Variants in DLC1 observed in about 807,000 individuals in gnomAD.
DLC1 encodes the protein DLC1 Rho GTPase activating protein, also known as rho GTPase-activating protein 7.
Under a neutral mutation model 140.3 loss-of-function variants are expected in DLC1, and 54 were observed. The ratio of observed to expected loss-of-function variants is 0.38; its 90% CI spans 0.31 to 0.48. The LOEUF (loss-of-function observed/expected upper bound fraction) is 0.48. DLC1 is among the 20% of genes least tolerant of loss of function. The probability of loss-of-function intolerance (pLI) is 0.96; values close to 1 mark genes in which losing one functional copy is unlikely to be tolerated. For synonymous variants in DLC1, 986 were observed against 728.1 expected (o/e 1.35, Z -5.70); for missense variants, 2,536 against 1,907.0 (o/e 1.33, Z -6.14).
chr8:13,197,156 A>T (rs1022603856), intron 5 of DLC1, among the ~76,000 whole-genome samples: 1 of 152,166 alleles, frequency 6.6e-6, no homozygotes, highest in Non-Finnish European at 1.5e-5. Context: ...TAAAGGTAGT[A>T]TTAATAACAT....
At chr8:13,441,190 G>T (rs573510666) in intron 2 of DLC1, among the ~76,000 whole-genome samples, 69 of 152,198 alleles carry the variant, frequency 4.5e-4, no homozygotes, top group African/African-American at 1.5e-3. Flanking sequence ...AATAAATTAG[G>T]TATTGATGGG....
chr8:13,404,296 G>A (rs1443318342), intron 2 of DLC1, among the ~76,000 whole-genome samples: 1 of 152,036 alleles, frequency 6.6e-6, no homozygotes, highest in African/African-American at 2.4e-5. Context: ...TTTCCGTGGT[G>A]TAAATACTCC....
In DLC1 at chr8:13,100,676, T is replaced by A. The variant is rs773993191; in HGVS notation, c.1661A>T (p.Asp554Val). 5.6e-6 allele frequency: 9 copies of A among 1,613,798 alleles called. No homozygotes were observed. The East Asian group carries it at 2.0e-4, about 36-fold the overall frequency. The change falls in exon 9 of 18, where the codon GAT becomes GTT. Residue 554 changes from aspartate to valine, a missense_variant. Transcript: ENST00000276297. ...SKRWSRLEEF[D>V]VFSPKQDLVP... ...CAGGTCTTGTTTTGGAGAAAAGACA[T>A]CAAACTCTTCAAGCCGGGACCACCT...
rs556811924 is a variant in DLC1, at chr8:13,578,912, C to T, written c.-126+25625G>A. On this transcript the variant is annotated intron_variant, in intron 1 of 1. Transcript: ENST00000631382. The stretch of plus-strand genomic sequence containing the variant: ...GCCATTGCTGACTGACTCAACCTTC[C>T]GCCCTACTCCCCTCCCCAGAGGTTG... Among the ~76,000 whole-genome samples the T allele has an allele frequency of 7.2e-5, 11 of 151,968 alleles. No homozygotes were observed. The East Asian group carries it at 9.8e-4, about 14-fold the overall frequency.
intron 4 of DLC1, among the ~76,000 whole-genome samples, chr8:13,365,976 G>A (rs965627307): frequency 6.6e-6 from 1 of 152,192 alleles, no homozygotes; most frequent in Non-Finnish European, 1.5e-5. Flanking sequence ...GTACCAGCCA[G>A]AAGGTTTAAA....
chr8:13,508,179 G>A (rs562726796), intron 1 of DLC1, among the ~76,000 whole-genome samples: 2 of 152,316 alleles, frequency 1.3e-5, no homozygotes, highest in Admixed American at 6.5e-5. Context: ...TTCTTGCAGA[G>A]AGGAGAGCAG....
chr8:13,546,676 T>C (rs946881248), intron 1 of DLC1, among the ~76,000 whole-genome samples: 2 of 152,142 alleles, frequency 1.3e-5, no homozygotes, highest in African/African-American at 4.8e-5. Flanking sequence ...ACTCAGTCCA[T>C]AGAGAGTGAT....
chr8:13,475,300 A>G (rs1800388498), intron 2 of DLC1, among the ~76,000 whole-genome samples: 1 of 152,246 alleles, frequency 6.6e-6, no homozygotes, highest in Non-Finnish European at 1.5e-5. Context: ...TATCTTAATT[A>G]TTAAAGTTTA....
At chr8:13,338,345 G>T (rs927699994) in intron 4 of DLC1, among the ~76,000 whole-genome samples, 1 of 152,154 alleles carries the variant, frequency 6.6e-6, no homozygotes, top group Non-Finnish European at 1.5e-5. Flanking sequence ...AAATAATTGT[G>T]GTTGAGGCTG....
intron 2 of DLC1, among the ~76,000 whole-genome samples, chr8:13,406,482 C>A (rs1205347337): frequency 6.6e-6 from 1 of 152,148 alleles, no homozygotes; most frequent in East Asian, 1.9e-4. Context: ...AACTTCTCAG[C>A]TTGTCCCACA....
intron 13 of DLC1, 65 bp downstream of exon 13, chr8:13,092,547 A>G: frequency 6.5e-7 from 1 of 1,543,394 alleles, no homozygotes. Context: ...AACCACAGCT[A>G]CGGAGAGTCC....
intron 2 of DLC1, among the ~76,000 whole-genome samples, chr8:13,469,212 C>A (rs7008361): frequency 0.34 from 52,194 of 151,816 alleles, 9,294 homozygotes; most frequent in Middle Eastern, 0.47. Flanking sequence ...TTCTAGCTCA[C>A]GTTGGATATT....
chr8:13,209,734 T>G (rs1827847453), intron 5 of DLC1, among the ~76,000 whole-genome samples: 1 of 152,108 alleles, frequency 6.6e-6, no homozygotes, highest in Admixed American at 6.6e-5. Context: ...ACCTCCCTCC[T>G]GTCTCTCTTG....
intron 5 of DLC1, among the ~76,000 whole-genome samples, chr8:13,225,425 C>G (rs1161991347): frequency 6.6e-6 from 1 of 152,022 alleles, no homozygotes; most frequent in African/African-American, 2.4e-5. Context: ...CTCATTCACC[C>G]CCTTCCCCCT....
intron 12 of DLC1, among the ~76,000 whole-genome samples, chr8:13,094,385 G>A: frequency 6.6e-6 from 1 of 152,162 alleles, no homozygotes; most frequent in Non-Finnish European, 1.5e-5. Flanking sequence ...CGCTATCAAG[G>A]CCAGGCGTGG....
At chr8:13,219,788 T>C (rs532310502) in intron 5 of DLC1, among the ~76,000 whole-genome samples, 1 of 152,266 alleles carries the variant, frequency 6.6e-6, no homozygotes, top group East Asian at 1.9e-4. Flanking sequence ...TCGTTATTAA[T>C]GGGTGGATAA....
intron 4 of DLC1, among the ~76,000 whole-genome samples, chr8:13,372,964 T>TACAGGAAGC: frequency 6.6e-6 from 1 of 152,174 alleles, no homozygotes; most frequent in Non-Finnish European, 1.5e-5. Context: ...AGCTAGGAAG[T>TACAGGAAGC]AGCTACAGGA....
chr8:13,413,080 A>G (rs1837863468), intron 2 of DLC1, among the ~76,000 whole-genome samples: 1 of 152,018 alleles, frequency 6.6e-6, no homozygotes, highest in South Asian at 2.1e-4. Flanking sequence ...CCTGCCCAAC[A>G]GTACTTGGGA....
intron 5 of DLC1, among the ~76,000 whole-genome samples, chr8:13,163,014 T>C (rs1046065716): frequency 6.6e-6 from 1 of 152,180 alleles, no homozygotes; most frequent in Non-Finnish European, 1.5e-5. Context: ...TGTCTGTACT[T>C]GTTGACACCA....
Sources: allele counts gnomAD v4.1 joint callset (sites outside exome capture counted in the v4.1 genomes callset), GRCh38; gene constraint gnomAD v4.1.1; transcripts MANE v1.5; gene names NCBI Gene and HGNC (gene_info 2026-07-23, HGNC 2026-07-21).